Variants in STPG2 observed in about 807,000 individuals in gnomAD.
STPG2 encodes sperm tail PG-rich repeat containing 2.
A neutral mutation model predicts 54.2 loss-of-function variants in STPG2; 56 were observed. The ratio of observed to expected loss-of-function variants is 1.03; its 90% CI spans 0.83 to 1.29. STPG2 has a LOEUF of 1.29. Among genes scored for constraint, STPG2 ranks in the 50% most tolerant of loss-of-function variants. STPG2 has a pLI of 0.00. For synonymous variants in STPG2, 200 were observed against 181.8 expected, an observed-to-expected ratio of 1.10 and a Z score of -0.81; for missense variants, 596 against 544.9, an observed-to-expected ratio of 1.09 and a Z score of -0.93.
At chr4:97,766,416 C>A (rs948663629) in intron 9 of STPG2, among the ~76,000 whole-genome samples, 3 of 151,970 alleles carry the variant, frequency 2.0e-5, no homozygotes, top group African/African-American at 4.8e-5. Context: ...ATATAAAATT[C>A]CTTTTATCCC....
intron 4 of STPG2, among the ~76,000 whole-genome samples, chr4:97,452,768 G>A (rs1424862471): frequency 4.6e-5 from 7 of 152,006 alleles, no homozygotes; most frequent in Non-Finnish European, 8.8e-5. Context: ...TGAGAGTTGG[G>A]AAAACAATGG....
At chr4:97,479,805 C>T (rs1730173541) in intron 4 of STPG2, among the ~76,000 whole-genome samples, 1 of 151,758 alleles carries the variant, frequency 6.6e-6, no homozygotes, top group Non-Finnish European at 1.5e-5. Flanking sequence ...CAATTGTCTT[C>T]AGCTATTGAA....
chr4:98,125,404 G>A (rs918662701), intron 3 of STPG2, among the ~76,000 whole-genome samples: 2 of 152,042 alleles, frequency 1.3e-5, no homozygotes, highest in African/African-American at 4.8e-5. Context: ...CTGTTTGTTT[G>A]TCTCTTAACA....
intron 8 of STPG2, among the ~76,000 whole-genome samples, chr4:97,872,634 A>T (rs1463555013): frequency 1.3e-5 from 2 of 151,332 alleles, no homozygotes; most frequent in Non-Finnish European, 3.0e-5. Context: ...CAAAATATGG[A>T]AAGATATCTT....
intron 9 of STPG2, among the ~76,000 whole-genome samples, chr4:97,836,151 C>G (rs930225067): frequency 6.6e-6 from 1 of 151,920 alleles, no homozygotes; most frequent in African/African-American, 2.4e-5. Context: ...TATTGTGGGT[C>G]AAGTGCTATC....
chr4:97,516,166 C>A (rs1294298272), intron 4 of STPG2, among the ~76,000 whole-genome samples: 2 of 152,074 alleles, frequency 1.3e-5, no homozygotes, highest in African/African-American at 4.8e-5. Context: ...AGCTATGGAG[C>A]TACCTGATTC....
intron 4 of STPG2, among the ~76,000 whole-genome samples, chr4:97,447,122 A>C (rs1293225459): frequency 1.3e-5 from 2 of 152,328 alleles, no homozygotes; most frequent in Non-Finnish European, 2.9e-5. Flanking sequence ...CGAGGAACTC[A>C]TTGGGAACTG....
chr4:98,032,440 C>T (rs1736626650), intron 5 of STPG2, among the ~76,000 whole-genome samples: 1 of 151,848 alleles, frequency 6.6e-6, no homozygotes, highest in African/African-American at 2.4e-5. Context: ...TCACGAGATA[C>T]CATCTAACAC....
At chr4:97,497,444 G>A (rs1730634721) in intron 4 of STPG2, among the ~76,000 whole-genome samples, 1 of 151,734 alleles carries the variant, frequency 6.6e-6, no homozygotes, top group Non-Finnish European at 1.5e-5. Context: ...TCTCCCCATT[G>A]TGTTTTCTAA....
intron 8 of STPG2, among the ~76,000 whole-genome samples, chr4:97,905,233 G>C (rs1034154048): frequency 6.6e-6 from 1 of 152,048 alleles, no homozygotes; most frequent in Non-Finnish European, 1.5e-5. Flanking sequence ...TCAAAGGGAA[G>C]CCCATCAGAC....
intron 8 of STPG2, among the ~76,000 whole-genome samples, chr4:97,843,514 T>C (rs955955190): frequency 6.6e-6 from 1 of 151,966 alleles, no homozygotes; most frequent in Non-Finnish European, 1.5e-5. Flanking sequence ...ATTGCTATCA[T>C]CATTGCCATT....
At chr4:97,727,461 C>T (rs1024909065) in intron 9 of STPG2, among the ~76,000 whole-genome samples, 8 of 151,770 alleles carry the variant, frequency 5.3e-5, no homozygotes, top group African/African-American at 1.9e-4. Flanking sequence ...ATTTTATCAG[C>T]CATACACAAA....
intron 4 of STPG2, among the ~76,000 whole-genome samples, chr4:97,486,829 GTA>G (rs1290804763): frequency 0.014 from 1,248 of 90,198 alleles, 6 homozygotes; most frequent in Non-Finnish European, 0.019. Context: ...GTGTGTGTGT[GTA>G]TATATATATA....
At chr4:97,541,762 C>T (rs1431880061) in intron 4 of STPG2, among the ~76,000 whole-genome samples, 2 of 152,052 alleles carry the variant, frequency 1.3e-5, no homozygotes, top group South Asian at 2.1e-4. Flanking sequence ...GGTACTGGTA[C>T]CAAAACAGAG....
chr4:97,864,763 A>T (rs1044322513), intron 8 of STPG2, among the ~76,000 whole-genome samples: 22 of 152,126 alleles, frequency 1.4e-4, no homozygotes, highest in Admixed American at 7.9e-4. Context: ...AATGGAACAG[A>T]ACAGAGCCCT....
chr4:97,528,059 A>G (rs1271288415), intron 4 of STPG2, among the ~76,000 whole-genome samples: 4 of 152,146 alleles, frequency 2.6e-5, no homozygotes, highest in Admixed American at 2.6e-4. Flanking sequence ...CATTTTAGTC[A>G]TGAAGTCTTT....
intron 5 of STPG2, among the ~76,000 whole-genome samples, chr4:98,090,782 C>T (rs1018815208): frequency 6.6e-6 from 1 of 151,970 alleles, no homozygotes; most frequent in African/African-American, 2.4e-5. Flanking sequence ...CCTTCCTCCA[C>T]TTACCACTAA....
intron 10 of STPG2, among the ~76,000 whole-genome samples, chr4:97,574,238 G>A (rs1732667076): frequency 6.6e-6 from 1 of 152,012 alleles, no homozygotes. Context: ...CACTTCTAGA[G>A]AGCTGAAGTA....
chr4:98,122,784 G>T (rs572778983), intron 3 of STPG2, among the ~76,000 whole-genome samples: 6 of 152,264 alleles, frequency 3.9e-5, no homozygotes, highest in African/African-American at 1.4e-4. Flanking sequence ...ACCTCTAGTA[G>T]AATTTAGCTG....
Sources: gnomAD v4.1 joint callset for allele counts (sites outside exome capture counted in the v4.1 genomes callset) on GRCh38, gnomAD v4.1.1 for gene constraint, MANE v1.5 for transcripts, NCBI Gene and HGNC (gene_info 2026-07-23, HGNC 2026-07-21) for gene names.